SLC52A1: variants seen among roughly 807,000 people sequenced by gnomAD.
SLC52A1 encodes solute carrier family 52 member 1.
A neutral mutation model predicts 23.2 loss-of-function variants in SLC52A1; 20 were observed. That is an observed-to-expected ratio of 0.86 (90% confidence interval 0.61 to 1.25). The LOEUF is 1.25. Ranked by LOEUF, SLC52A1 falls within the 50% of genes most tolerant of loss-of-function variation. The pLI, the probability that SLC52A1 is intolerant of heterozygous loss-of-function variation, is 0.00. For missense variants in SLC52A1, 528 were observed against 557.0 expected, an observed-to-expected ratio of 0.95 and a Z score of 0.52; for synonymous variants, 260 against 256.6, an observed-to-expected ratio of 1.01 and a Z score of -0.13.
rs910019708 is a variant in SLC52A1, at chr17:5,033,337, C to G, written c.1058G>C (p.Gly353Ala). 1 of 1,613,994 alleles carries G rather than the reference C, an allele frequency of 6.2e-7. No homozygotes were observed. The highest frequency in any genetic ancestry group is 1.3e-5 in the African/African-American group (1 of 74,914). Residue 353 changes from glycine (G) to alanine (A), a missense_variant, in exon 4 of 5, where the codon GGG becomes GCG. Coordinates refer to ENST00000254853, the MANE Select transcript of SLC52A1 (RefSeq NM_017986.4). ...GATTGCCAGTGCCATCAGGTAGGCCCCAAAGAGCATGCCCAGCAGAGAAAG... is the reference window on the plus strand; with the variant it reads ...GATTGCCAGTGCCATCAGGTAGGCCGCAAAGAGCATGCCCAGCAGAGAAAG... Reference protein sequence around the residue: ...VGLSLLGMLFGAYLMALAILS... With the variant: ...VGLSLLGMLFAAYLMALAILS...
intron 4 of SLC52A1, 23 bp downstream of exon 4, chr17:5,033,237 CA>C: frequency 6.2e-7 from 1 of 1,612,942 alleles, no homozygotes; most frequent in Non-Finnish European, 8.5e-7. Context: ...CCCTCCTCCC[CA>C]CTTCATGTCT....
Position 5,033,810 on chromosome 17 carries a change from C to T in SLC52A1, c.679G>A (p.Gly227Arg), listed in dbSNP as rs373793198. The T allele has an allele frequency of 6.2e-7, 1 of 1,614,110 alleles. No homozygotes were observed. The highest frequency in any genetic ancestry group is 1.3e-5 in the African/African-American group (1 of 74,936). ...LLPSLPSVTT[G>R]GSGPELQLGS... Reference sequence around the variant, plus strand: ...AGTTGAAGTTCAGGCCCTGAGCCCCCTGTGGTTACAGAGGGTAGTGATGGC... The same window carrying T: ...AGTTGAAGTTCAGGCCCTGAGCCCCTTGTGGTTACAGAGGGTAGTGATGGC... Residue 227 changes from glycine to arginine, a missense_variant, in exon 3 of 5, where the codon GGG becomes AGG. Gly to Arg is a moderately radical substitution (Grantham distance 125). Transcript: ENST00000254853.
At chr17:5,034,813 G>C (rs879409497) in intron 1 of SLC52A1, 48 bp downstream of exon 1, 4 of 582,674 alleles carry the variant, frequency 6.9e-6, no homozygotes, top group Non-Finnish European at 8.5e-6. Context: ...GCAACTGGAG[G>C]GAGAGGTGGC....
In SLC52A1 at chr17:5,033,958, G is replaced by A; in HGVS notation, c.531C>T (p.Thr177=). 6.2e-7 allele frequency: 1 copy of A among 1,614,156 alleles called. No individual in the cohort carries two copies. The highest frequency in any genetic ancestry group is 8.5e-7 in the Non-Finnish European group (1 of 1,180,020). Residue 177 remains threonine (T), a synonymous_variant, in exon 3 of 5, where the codon ACC becomes ACT. Coordinates refer to ENST00000254853, the MANE Select transcript of SLC52A1 (RefSeq NM_017986.4). The part of the protein sequence containing the change: ...VGRLECPPAP[T]NGTSGPPLDF... The stretch of plus-strand genomic sequence containing the variant: ...CGAGGGGAGGCCCAGAGGTGCCATT[G>A]GTGGGCGCTGGTGGGCACTCGAGGC...
upstream of SLC52A1, among the ~76,000 whole-genome samples, chr17:5,038,831 G>A (rs192997001): frequency 1.8e-3 from 274 of 151,866 alleles, 1 homozygote; most frequent in South Asian, 3.1e-3. Flanking sequence ...CTCGTGATCC[G>A]CCCACCTCGG....
chr17:5,032,789 T>G lies in SLC52A1; in HGVS notation c.*168A>C. ...CTGTCCCCTGGCTCTGGGCCTGGTC[T>G]TTGGTGCCCACCCTGGCCTCACATG... On this transcript the variant is annotated 3_prime_UTR_variant, in exon 5 of 5. Coordinates refer to ENST00000254853, the MANE Select transcript of SLC52A1 (RefSeq NM_017986.4). 2 of 654,912 alleles carry G rather than the reference T, an allele frequency of 3.1e-6. No homozygotes were observed. The highest frequency in any genetic ancestry group is 5.2e-6 in the Non-Finnish European group (2 of 385,400). The allele number at this position is 654,912 out of a possible 1,614,324, so 40.6% of individuals were successfully genotyped here. A position where few individuals can be genotyped will look rare whatever the true frequency, so the allele number is the denominator to read the frequency against.
intron 1 of SLC52A1, among the ~76,000 whole-genome samples, chr17:5,041,034 A>G (rs532483854): frequency 1.3e-5 from 2 of 151,926 alleles, no homozygotes; most frequent in Admixed American, 1.3e-4. Context: ...TGACCTCGTG[A>G]TCCACCCGCC....
At chr17:5,037,500 C>T (rs1465770175), upstream of SLC52A1, among the ~76,000 whole-genome samples, 1 of 152,208 alleles carries the variant, frequency 6.6e-6, no homozygotes, top group East Asian at 1.9e-4. Flanking sequence ...GTCGAGACAA[C>T]AGAGCGAGAC....
At chr17:5,040,155 T>G (rs1041958625), upstream of SLC52A1, among the ~76,000 whole-genome samples, 3 of 151,786 alleles carry the variant, frequency 2.0e-5, no homozygotes, top group Non-Finnish European at 2.9e-5. Context: ...CACTGGCGGG[T>G]CCCTAGATCA....
rs995046296 is a variant in SLC52A1, at chr17:5,041,573, G to A, written c.-107-6860C>T. Among the ~76,000 whole-genome samples the A allele has an allele frequency of 2.6e-5, 4 of 152,246 alleles. No homozygotes were observed. The East Asian group carries it at 5.8e-4, about 22-fold the overall frequency. ...GCTCACTGCAACCTCCGCTTCCTGGGTTCAAGTGATTCTCCTGCCTCAGCC... is the reference window on the plus strand; with the variant it reads ...GCTCACTGCAACCTCCGCTTCCTGGATTCAAGTGATTCTCCTGCCTCAGCC... On this transcript the variant is annotated intron_variant, in intron 1 of 3. Transcript: ENST00000512825.
Position 5,034,662 on chromosome 17 carries a change from C to T in SLC52A1, c.-56G>A, listed in dbSNP as rs1016295638. On this transcript the variant is annotated 5_prime_UTR_variant, in exon 2 of 5. Coordinates refer to ENST00000254853, the MANE Select transcript of SLC52A1 (RefSeq NM_017986.4). ...GCAAAGGTCACAGGCAGGTCCTTCC[C>T]TAGGTAGGTCCAAAGATGCTTTGGT... 1.1e-5 allele frequency: 18 copies of T among 1,600,606 alleles called. No individual in the cohort carries two copies. The highest frequency in any genetic ancestry group is 1.7e-5 in the Admixed American group (1 of 57,802).
rs779404952 is a variant in SLC52A1, at chr17:5,033,973, G to A, written c.516C>T (p.Cys172=). 14 of 1,614,084 alleles carry A rather than the reference G, an allele frequency of 8.7e-6. No individual in the cohort carries two copies. Among genetic ancestry groups the A allele is most frequent in the Non-Finnish European group, 1.1e-5 (13 of 1,179,968 alleles). ...AGGTGCCATTGGTGGGCGCTGGTGG[G>A]CACTCGAGGCGGCCCACACCTTGCA... ...ALVQGVGRLE[C]PPAPTNGTSG... is the part of the protein sequence containing the mutation. Residue 172 remains cysteine (C), a synonymous_variant, in exon 3 of 5, where the codon TGC becomes TGT. Coordinates refer to ENST00000254853, the MANE Select transcript of SLC52A1 (RefSeq NM_017986.4).
rs1975373107 is a variant in SLC52A1 at position 5,033,564 on chromosome 17, C to T, written c.925G>A (p.Gly309Arg). 3 of 1,613,862 alleles carry T rather than the reference C, an allele frequency of 1.9e-6. No individual in the cohort carries two copies. Among genetic ancestry groups the T allele is most frequent in the Non-Finnish European group, 2.5e-6 (3 of 1,180,036 alleles). Residue 309 changes from glycine to arginine, a missense_variant, in exon 3 of 5, where the codon GGG (glycine) becomes AGG (arginine). Gly to Arg is a moderately radical substitution (Grantham distance 125, BLOSUM62 -2). Transcript: ENST00000254853. ...ACAGCCAGGTGGTAGGCCAGGCGCC[C>T]ATAGGGCAAACAGGAAAAGCTCTGC... Reference protein sequence around the residue: ...SVQSFSCLPYGRLAYHLAVVL... With the variant: ...SVQSFSCLPYRRLAYHLAVVL...
chr17:5,033,401 G>C lies in SLC52A1; in HGVS notation c.1011-17C>G. 1 of 1,614,064 alleles carries C rather than the reference G, an allele frequency of 6.2e-7. No individual in the cohort carries two copies. The highest frequency in any genetic ancestry group is 8.5e-7 in the Non-Finnish European group (1 of 1,179,958). ...GCCAGGGACCTGTTGGGGATGAGCA[G>C]AGACTCAGGGCTGGCTGTTCTGGGA... On this transcript the variant is annotated splice_polypyrimidine_tract_variant and intron_variant, in intron 3 of 4. Transcript: ENST00000254853.
At chr17:5,036,966 A>G (rs118100930), upstream of SLC52A1, among the ~76,000 whole-genome samples, 1,136 of 152,176 alleles carry the variant, frequency 7.5e-3, 38 homozygotes, top group East Asian at 0.11. Context: ...CTACAAGCAC[A>G]TGCCACCACG....
In SLC52A1 at chr17:5,033,670, CT is replaced by C; in HGVS notation, c.818del (p.Gln273ArgfsTer13). The C allele has an allele frequency of 6.2e-7, 1 of 1,614,056 alleles. No individual in the cohort carries two copies. The highest frequency in any genetic ancestry group is 8.5e-7 in the Non-Finnish European group (1 of 1,180,016). Reference protein sequence around the residue: ...TIPGPDPEAHQLFSAHGAFLL... With the variant: ...TIPGPDPEAHXLFSAHGAFLL... ...GGAAGGCACCATGGGCTGAGAACAG[CT>C]GATGGGCCTCAGGGTCTGGGCCAGG... On this transcript the variant is annotated frameshift_variant, in exon 3 of 5. Transcript: ENST00000254853. LOFTEE classifies it high-confidence loss of function.
chr17:5,039,151 C>A (rs536225341), upstream of SLC52A1, among the ~76,000 whole-genome samples: 1 of 151,230 alleles, frequency 6.6e-6, no homozygotes, highest in Non-Finnish European at 1.5e-5. Context: ...GGTGAAACCC[C>A]GTCTCTACTA....
rs758490894 is a variant in SLC52A1 at position 5,034,587 on chromosome 17, C to T, written c.20G>A (p.Gly7Asp). The change falls in exon 2 of 5, where the codon GGC becomes GAC. Residue 7 changes from glycine to aspartate, a missense_variant. Physicochemically the swap from Gly to Asp is moderately conservative, Grantham distance 94 (BLOSUM62 -1). Transcript: ENST00000254853. MAAPTLGRLVLTHLLVA... is the reference protein window; with the variant it reads MAAPTLDRLVLTHLLVA... ...CAGCAGGTGGGTCAGCACCAGACGGCCCAGCGTGGGTGCTGCCATTCAGCC... is the reference window on the plus strand; with the variant it reads ...CAGCAGGTGGGTCAGCACCAGACGGTCCAGCGTGGGTGCTGCCATTCAGCC... The T allele has an allele frequency of 1.2e-6, 2 of 1,614,204 alleles. No homozygotes were observed. The highest frequency in any genetic ancestry group is 2.2e-5 in the South Asian group (2 of 91,082).
upstream of SLC52A1, among the ~76,000 whole-genome samples, chr17:5,036,040 C>CTTTT (rs34027393): frequency 5.0e-4 from 35 of 69,784 alleles, no homozygotes; most frequent in Non-Finnish European, 7.1e-4. Context: ...TGTTTTTACA[C>CTTTT]TTTTTTTTTT....
Sources: allele counts gnomAD v4.1 joint callset (sites outside exome capture counted in the v4.1 genomes callset), GRCh38; gene constraint gnomAD v4.1.1; transcripts MANE v1.5; gene names NCBI Gene and HGNC (gene_info 2026-07-23, HGNC 2026-07-21).